Variants in ARHGAP15 observed in about 807,000 individuals in gnomAD.
ARHGAP15 encodes rho GTPase-activating protein 15.
Under a neutral mutation model 63.7 loss-of-function variants are expected in ARHGAP15, and 51 were observed. That is an observed-to-expected ratio of 0.80 (90% CI 0.64 to 1.01). The LOEUF is 1.01. Among genes scored for constraint, ARHGAP15 ranks in the 50% least tolerant of loss-of-function variants. ARHGAP15 has a pLI of 0.00. For synonymous variants in ARHGAP15, 191 were observed against 193.8 expected (o/e 0.99, Z 0.12); for missense variants, 560 against 564.6 (o/e 0.99, Z 0.08).
chr2:143,551,950 G>C (rs1345730354), intron 10 of ARHGAP15, among the ~76,000 whole-genome samples: 1 of 152,192 alleles, frequency 6.6e-6, no homozygotes, highest in Non-Finnish European at 1.5e-5. Context: ...TGGCACCAGA[G>C]CTTCTCATGT....
At position 143,585,804 on chromosome 2, in the gene ARHGAP15, A is replaced by G. The variant is rs138759847; in HGVS notation, c.1003+29319A>G. Among the ~76,000 whole-genome samples the G allele has an allele frequency of 5.4e-4, 83 of 152,324 alleles. No homozygotes were observed. In the East Asian group the frequency reaches 0.014, roughly 26 times the overall value. On this transcript the variant is annotated intron_variant, in intron 11 of 13. Coordinates refer to ENST00000295095, the MANE Select transcript of ARHGAP15 (RefSeq NM_018460.4). ...TGAAAATGTTATATTATTTACATTT[A>G]TAAGTATATCCCCAATATTGTTTGG...
At chr2:143,277,547 T>G (rs1049730011) in intron 6 of ARHGAP15, among the ~76,000 whole-genome samples, 9 of 151,734 alleles carry the variant, frequency 5.9e-5, no homozygotes, top group African/African-American at 2.2e-4. Context: ...CAGAAGCCAA[T>G]GAGACAAATC....
chr2:143,485,056 A>G (rs192009433), intron 8 of ARHGAP15, among the ~76,000 whole-genome samples: 3 of 152,196 alleles, frequency 2.0e-5, no homozygotes, highest in Non-Finnish European at 4.4e-5. Flanking sequence ...GACCTATAGT[A>G]CCCATTTTTT....
chr2:143,627,282 G>A (rs978355518), intron 12 of ARHGAP15, among the ~76,000 whole-genome samples: 1 of 152,150 alleles, frequency 6.6e-6, no homozygotes, highest in Non-Finnish European at 1.5e-5. Context: ...AAAACAGAGG[G>A]ATCAACCAAC....
In ARHGAP15 at chr2:143,324,906, T is replaced by C. The variant is rs114030089; in HGVS notation, c.474+74306T>C. 3.7e-3 allele frequency among the ~76,000 whole-genome samples: 569 copies of C among 152,286 alleles called. 6 individuals are homozygous for C. The highest frequency in any genetic ancestry group is 0.013 in the African/African-American group (524 of 41,574). ...GGCCCGTGAACAGCTTTTGTTTCTA[T>C]GCGACATTAAAATGTATTTTTTAAA... is the stretch of plus-strand genomic sequence containing the variant. On this transcript the variant is annotated intron_variant, in intron 6 of 13. Transcript: ENST00000295095.
chr2:143,396,028 C>G (rs1687741308), intron 6 of ARHGAP15, among the ~76,000 whole-genome samples: 1 of 152,058 alleles, frequency 6.6e-6, no homozygotes, highest in East Asian at 1.9e-4. Context: ...ACAAGTACTT[C>G]CTTCATACTG....
intron 8 of ARHGAP15, among the ~76,000 whole-genome samples, chr2:143,466,328 TCAAG>T (rs1691209820): frequency 6.6e-6 from 1 of 150,470 alleles, no homozygotes; most frequent in Non-Finnish European, 1.5e-5. Context: ...ATTGTGAAAA[TCAAG>T]CCAATTTTTT....
At chr2:143,339,534 A>G (rs1206542114) in intron 6 of ARHGAP15, among the ~76,000 whole-genome samples, 1 of 152,150 alleles carries the variant, frequency 6.6e-6, no homozygotes, top group Non-Finnish European at 1.5e-5. Context: ...AGATTATGTT[A>G]TATTCCAGAC....
intron 6 of ARHGAP15, among the ~76,000 whole-genome samples, chr2:143,418,434 T>G (rs1299703547): frequency 1.3e-5 from 2 of 152,204 alleles, no homozygotes; most frequent in African/African-American, 4.8e-5. Context: ...AAATAAAACC[T>G]TGCAATAGTG....
At chr2:143,435,724 C>T (rs12621011) in intron 7 of ARHGAP15, 25 bp downstream of exon 7, 68,559 of 1,590,412 alleles carry the variant, frequency 0.043, 5,973 homozygotes, top group Admixed American at 0.33. Context: ...TGGCTGTTAC[C>T]TTTATTAATT....
intron 1 of ARHGAP15, among the ~76,000 whole-genome samples, chr2:143,146,942 T>C (rs1689615499): frequency 1.3e-5 from 2 of 152,082 alleles, no homozygotes; most frequent in African/African-American, 4.8e-5. Context: ...TTAATTACTG[T>C]CAAGTACTAA....
At chr2:143,361,163 A>C (rs1264040374) in intron 6 of ARHGAP15, among the ~76,000 whole-genome samples, 2 of 152,174 alleles carry the variant, frequency 1.3e-5, no homozygotes, top group Non-Finnish European at 2.9e-5. Context: ...TGATCTACAC[A>C]AGCAAAAAAA....
intron 8 of ARHGAP15, among the ~76,000 whole-genome samples, chr2:143,464,497 TAAATA>T (rs1691109583): frequency 6.6e-6 from 1 of 152,104 alleles, no homozygotes; most frequent in Admixed American, 6.6e-5. Flanking sequence ...AAAGCATAAA[TAAATA>T]AATAAATCCT....
intron 5 of ARHGAP15, among the ~76,000 whole-genome samples, chr2:143,232,692 C>T (rs773133229): frequency 2.0e-5 from 3 of 152,130 alleles, no homozygotes; most frequent in Non-Finnish European, 4.4e-5. Flanking sequence ...TAGCCTCTTC[C>T]CTTCTCTGGA....
At chr2:143,736,351 G>T (rs1286856065) in intron 13 of ARHGAP15, among the ~76,000 whole-genome samples, 2 of 150,914 alleles carry the variant, frequency 1.3e-5, no homozygotes, top group African/African-American at 4.9e-5. Context: ...AGCCCAGATT[G>T]TACCACTGCA....
At chr2:143,620,944 A>G (rs1574719426) in intron 11 of ARHGAP15, among the ~76,000 whole-genome samples, 1 of 152,340 alleles carries the variant, frequency 6.6e-6, no homozygotes, top group East Asian at 1.9e-4. Context: ...TTAAGGAAAT[A>G]TCAATATGTG....
intron 13 of ARHGAP15, among the ~76,000 whole-genome samples, chr2:143,708,877 A>T (rs928156658): frequency 6.6e-6 from 1 of 152,110 alleles, no homozygotes; most frequent in African/African-American, 2.4e-5. Flanking sequence ...AAGCCTGATA[A>T]GTAAGAGATT....
At chr2:143,551,843 C>T (rs1158133798) in intron 10 of ARHGAP15, among the ~76,000 whole-genome samples, 3 of 152,154 alleles carry the variant, frequency 2.0e-5, no homozygotes, top group African/African-American at 7.2e-5. Context: ...ATATCCTGTA[C>T]TCTCAGTCAT....
chr2:143,310,674 C>T (rs1445148249), intron 6 of ARHGAP15, among the ~76,000 whole-genome samples: 1 of 151,978 alleles, frequency 6.6e-6, no homozygotes, highest in African/African-American at 2.4e-5. Context: ...AAAAGTGTAG[C>T]TGCCTTACCT....
Sources: allele counts gnomAD v4.1 joint callset (sites outside exome capture counted in the v4.1 genomes callset), GRCh38; gene constraint gnomAD v4.1.1; transcripts MANE v1.5; gene names NCBI Gene and HGNC (gene_info 2026-07-23, HGNC 2026-07-21).